GSK3A: variants seen among roughly 807,000 people sequenced by gnomAD.
GSK3A encodes glycogen synthase kinase 3 alpha, also known as glycogen synthase kinase-3 alpha.
In GSK3A, 14 loss-of-function variants were observed where a neutral mutation model predicts 56.6. The observed-to-expected ratio is 0.25, with a 90% CI of 0.16 to 0.39. The LOEUF is 0.39. Among genes scored for constraint, GSK3A ranks in the 10% least tolerant of loss-of-function variants. GSK3A has a pLI of 1.00. For synonymous variants in GSK3A, 301 were observed against 285.0 expected, an observed-to-expected ratio of 1.06 and a Z score of -0.56; for missense variants, 450 against 656.0, an observed-to-expected ratio of 0.69 and a Z score of 3.43.
chr19:42,233,422 AG>A, intron 6 of GSK3A, 39 bp from the exon 7 acceptor site: 1 of 1,327,650 alleles, frequency 7.5e-7, no homozygotes. Context: ...CTAGGCGAGT[AG>A]GGCCACCAAC....
chr19:42,233,372 C>T lies in GSK3A; in HGVS notation c.916G>A (p.Ala306Thr), dbSNP rs1411642033. 5.1e-6 allele frequency: 8 copies of T among 1,578,070 alleles called. No individual in the cohort carries two copies. The highest frequency in any genetic ancestry group is 6.0e-6 in the Non-Finnish European group (7 of 1,159,804). Residue 306 changes from alanine (A) to threonine (T), a missense_variant, in exon 7 of 11, where the codon GCT becomes ACT. By Grantham distance (58) the Ala-to-Thr change is moderately conservative. This residue lies in a region of GSK3A where 144 missense variants were observed against 308.0 expected (regional missense o/e 0.47). Coordinates refer to ENST00000222330, the MANE Select transcript of GSK3A (RefSeq NM_019884.3). ...DYTSSIDVWS[A>T]GCVLAELLLG... ...AGGAGCTCTGCCAGTACACAGCCAG[C>T]TGACCAAACATCTGAGGGGAAATGG...
At position 42,236,957 on chromosome 19, in the gene GSK3A, A is replaced by G. The variant is rs750828596; in HGVS notation, c.472-16T>C. The G allele has an allele frequency of 6.4e-7, 1 of 1,570,932 alleles. No homozygotes were observed. The highest frequency in any genetic ancestry group is 1.7e-5 in the Admixed American group (1 of 59,894). On this transcript the variant is annotated splice_polypyrimidine_tract_variant and intron_variant, in intron 2 of 10. Coordinates refer to ENST00000222330, the MANE Select transcript of GSK3A (RefSeq NM_019884.3). ...GCTCTCGGTTCTTGAGGGCAAAGGG[A>G]GAGTCTCAGAATACAACCAACTCTC...
chr19:42,235,420 T>C (rs2036250885), intron 4 of GSK3A, among the ~76,000 whole-genome samples: 1 of 152,128 alleles, frequency 6.6e-6, no homozygotes, highest in East Asian at 1.9e-4. Context: ...CCAGCTCCAT[T>C]TTCCTGCCAC....
Position 42,240,147 on chromosome 19 carries a change from G to A in GSK3A, c.284-5C>T, listed in dbSNP as rs370323026. On this transcript the variant is annotated splice_region_variant and splice_polypyrimidine_tract_variant and intron_variant, in intron 1 of 10. Transcript: ENST00000222330. ...TGGTCACCTTCCCGCTGTCACCTGG[G>A]GAACAAAGGGGATACACGATCCACT... The A allele has an allele frequency of 1.5e-5, 25 of 1,613,574 alleles. No individual in the cohort carries two copies. In the African/African-American group the frequency reaches 2.4e-4, roughly 16 times the overall value.
Position 42,232,595 on chromosome 19 carries a change from C to T in GSK3A, c.1186G>A (p.Glu396Lys). 1 of 1,614,058 alleles carries T rather than the reference C, an allele frequency of 6.2e-7. No individual in the cohort carries two copies. Among genetic ancestry groups the T allele is most frequent in the Non-Finnish European group, 8.5e-7 (1 of 1,179,960 alleles). The change falls in exon 9 of 11, where the codon GAG (glutamate) becomes AAG (lysine). Residue 396 changes from glutamate to lysine, a missense_variant. Glu to Lys is a moderately conservative substitution (Grantham distance 56). Transcript: ENST00000222330. Reference sequence around the variant, plus strand: ...TCAAAGAAGCTGTGCGCACAGGCCTCTAGTGGGGAGAGCCTTGAGGATGGG... The same window carrying T: ...TCAAAGAAGCTGTGCGCACAGGCCTTTAGTGGGGAGAGCCTTGAGGATGGG... Reference protein sequence around the residue: ...YTPSSRLSPLEACAHSFFDEL... With the variant: ...YTPSSRLSPLKACAHSFFDEL...
chr19:42,241,490 C>T (rs1265041552), intron 1 of GSK3A: 4 of 152,166 alleles, frequency 2.6e-5, no homozygotes, highest in Non-Finnish European at 5.9e-5. Flanking sequence ...CACACCAAGC[C>T]ATGTATTTTA....
At chr19:42,238,399 A>T (rs1009330713) in intron 2 of GSK3A, among the ~76,000 whole-genome samples, 30 of 151,308 alleles carry the variant, frequency 2.0e-4, no homozygotes, top group Non-Finnish European at 4.1e-4. Flanking sequence ...AAAAAAAAAA[A>T]AATAGAGACC....
At chr19:42,231,554 G>A (rs1483805489) in intron 10 of GSK3A, among the ~76,000 whole-genome samples, 5 of 151,992 alleles carry the variant, frequency 3.3e-5, no homozygotes, top group Admixed American at 6.6e-5. Context: ...GGCCAAGCGG[G>A]AAAATCACCT....
At chr19:42,241,205 A>G (rs2036289499) in intron 1 of GSK3A, 1 of 152,140 alleles carries the variant, frequency 6.6e-6, no homozygotes, top group African/African-American at 2.4e-5. Context: ...CCAGTTGGCC[A>G]GGCTGGTCTC....
In GSK3A at chr19:42,236,898, A is replaced by G. The variant is rs1231853362; in HGVS notation, c.515T>C (p.Ile172Thr). The change falls in exon 3 of 11, where the codon ATT (isoleucine) becomes ACT (threonine). Residue 172 changes from isoleucine to threonine, a missense_variant. By Grantham distance (89) the Ile-to-Thr change is moderately conservative (BLOSUM62 -1). Transcript: ENST00000222330. Reference protein sequence around the residue: ...QIMRKLDHCNIVRLRYFFYSS... With the variant: ...QIMRKLDHCNTVRLRYFFYSS... ...GTAGAAAAAGTATCTCAGCCTCACAATATTGCAGTGGTCCAGCTTACGCAT... is the reference window on the plus strand; with the variant it reads ...GTAGAAAAAGTATCTCAGCCTCACAGTATTGCAGTGGTCCAGCTTACGCAT... 4.3e-6 allele frequency: 7 copies of G among 1,613,270 alleles called. No individual in the cohort carries two copies. Among genetic ancestry groups the G allele is most frequent in the East Asian group, 2.2e-5 (1 of 44,878 alleles).
chr19:42,239,783 TG>T (rs1328238341), intron 2 of GSK3A, among the ~76,000 whole-genome samples, 171 bp downstream of exon 2: 1 of 152,228 alleles, frequency 6.6e-6, no homozygotes, highest in East Asian at 1.9e-4. Flanking sequence ...GTAAAAGCTC[TG>T]GGCTCTCCTG....
chr19:42,233,217 G>T lies in GSK3A; in HGVS notation c.1003-12C>A. 6.2e-7 allele frequency: 1 copy of T among 1,601,464 alleles called. No individual in the cohort carries two copies. On this transcript the variant is annotated splice_polypyrimidine_tract_variant and intron_variant, in intron 7 of 10. Transcript: ENST00000222330. Reference sequence around the variant, plus strand: ...GGTGTTCCCAGCACCTGTAAAGAGAGGGAGGGGTCTGAGACAAGGGCCCCA... The same window carrying T: ...GGTGTTCCCAGCACCTGTAAAGAGATGGAGGGGTCTGAGACAAGGGCCCCA...
At chr19:42,232,032 C>A (rs747613580) in intron 10 of GSK3A, 25 bp downstream of exon 10, 4 of 1,380,928 alleles carry the variant, frequency 2.9e-6, no homozygotes, top group Non-Finnish European at 4.1e-6. Context: ...GATACTTTAA[C>A]CCCCAGCAGA....
At chr19:42,238,555 C>T (rs1416002219) in intron 2 of GSK3A, among the ~76,000 whole-genome samples, 1 of 143,952 alleles carries the variant, frequency 6.9e-6, no homozygotes, top group African/African-American at 2.6e-5. Flanking sequence ...TGCAGTGACC[C>T]GAGATCACGC....
intron 1 of GSK3A, chr19:42,241,685 C>A (rs1382098834): frequency 6.6e-6 from 1 of 152,336 alleles, no homozygotes; most frequent in African/African-American, 2.4e-5. Context: ...AAAGCCTGGC[C>A]CTATTCTTTG....
intron 1 of GSK3A, chr19:42,240,372 C>G (rs776133406): frequency 3.4e-6 from 2 of 590,090 alleles, no homozygotes; most frequent in East Asian, 2.8e-5. Flanking sequence ...GATATTGATA[C>G]CTAAATCTCT....
At chr19:42,231,337 G>A (rs2036222532) in intron 10 of GSK3A, among the ~76,000 whole-genome samples, 1 of 152,160 alleles carries the variant, frequency 6.6e-6, no homozygotes, top group Non-Finnish European at 1.5e-5. Context: ...TCCAGCCTGG[G>A]TGACAGAAAA....
At chr19:42,233,262 G>GGCCCCCCCCCCCCCCCCC in intron 7 of GSK3A, 24 bp downstream of exon 7, 6 of 1,077,422 alleles carry the variant, frequency 5.6e-6, no homozygotes, top group Non-Finnish European at 6.9e-6. Context: ...CCCACCCCCT[G>GGCCCCCCCCCCCCCCCCC]CCCAGCCCAG....
Position 42,230,541 on chromosome 19 carries a change from G to C in GSK3A, c.*253C>G. ...TCTGGGGGAGGGGAGGGGGCCAAGG[G>C]GGTAGGAGGTCCTCATCCCCCCAAC... is the stretch of plus-strand genomic sequence containing the variant. On this transcript the variant is annotated 3_prime_UTR_variant, in exon 11 of 11. Transcript: ENST00000222330. 1 of 545,162 alleles carries C rather than the reference G, an allele frequency of 1.8e-6. No homozygotes were observed. The highest frequency in any genetic ancestry group is 2.3e-5 in the South Asian group (1 of 43,250). 33.8% of individuals were successfully genotyped at this position (545,162 alleles called of 1,614,324 possible). A position where few individuals can be genotyped will look rare whatever the true frequency, so the allele number is the denominator to read the frequency against.
Sources: allele counts gnomAD v4.1 joint callset (sites outside exome capture counted in the v4.1 genomes callset), GRCh38; gene constraint gnomAD v4.1.1; regional missense constraint gnomAD v4.1.1; transcripts MANE v1.5; gene names NCBI Gene and HGNC (gene_info 2026-07-23, HGNC 2026-07-21).